RAB11FIP1: variants seen among roughly 807,000 people sequenced by gnomAD.
The protein encoded by RAB11FIP1 is RAB11 family interacting protein 1.
Under a neutral mutation model 83.1 loss-of-function variants are expected in RAB11FIP1, and 49 were observed. The observed-to-expected ratio is 0.59, with a 90% CI of 0.47 to 0.75. The LOEUF (loss-of-function observed/expected upper bound fraction) is 0.75, where lower values mean the gene tolerates loss of function less well. RAB11FIP1 is among the 30% of genes least tolerant of loss of function. RAB11FIP1 has a pLI of 0.00. For missense variants in RAB11FIP1, 1,536 were observed against 1,598.7 expected, an observed-to-expected ratio of 0.96 and a Z score of 0.67; for synonymous variants, 670 against 656.0, an observed-to-expected ratio of 1.02 and a Z score of -0.33.
chr8:37,892,425 ATATTTATTTATTTATTTATTTATT>A (rs146042883), intron 1 of RAB11FIP1, among the ~76,000 whole-genome samples: 1 of 144,104 alleles, frequency 6.9e-6, no homozygotes, highest in Non-Finnish European at 1.5e-5. Flanking sequence ...ACTTTTATTT[ATATTTATTTATTTATTTATTTATT>A]TATTTATTTA....
In RAB11FIP1 at chr8:37,872,614, G is replaced by C. The variant is rs779672596; in HGVS notation, c.2188C>G (p.Leu730Val). The part of the protein sequence containing the change: ...SGEAQEVPFA[L>V]SLSSDGAVSP... Reference sequence around the variant, plus strand: ...ACAGCTCCATCACTGCTGAGTGAAAGGGCAAACGGTACTTCCTGGGCTTCT... The same window carrying C: ...ACAGCTCCATCACTGCTGAGTGAAACGGCAAACGGTACTTCCTGGGCTTCT... The change falls in exon 4 of 6, where the codon CTT becomes GTT. Residue 730 changes from leucine to valine, a missense_variant. Transcript: ENST00000330843. 1.2e-6 allele frequency: 2 copies of C among 1,614,060 alleles called. No individual in the cohort carries two copies. The highest frequency in any genetic ancestry group is 2.7e-5 in the African/African-American group (2 of 74,918).
rs1806563086 is a variant in RAB11FIP1 at position 37,874,640 on chromosome 8, G to T, written c.1497C>A (p.Gly499=). 1 of 1,614,170 alleles carries T rather than the reference G, an allele frequency of 6.2e-7. No individual in the cohort carries two copies. The highest frequency in any genetic ancestry group is 1.1e-5 in the South Asian group (1 of 91,078). The change falls in exon 3 of 6, where the codon GGC becomes GGA. Residue 499 remains glycine (G), a synonymous_variant. Coordinates refer to ENST00000330843, the MANE Select transcript of RAB11FIP1 (RefSeq NM_001002814.3). Reference sequence around the variant, plus strand: ...CATCTTCAAAGAGGTTCAGGGAGCTGCCCTGTCTGGAGACAACAGCTGCAG... The same window carrying T: ...CATCTTCAAAGAGGTTCAGGGAGCTTCCCTGTCTGGAGACAACAGCTGCAG... The part of the protein sequence containing the change: ...KDTAAVVSRQ[G]SSLNLFEDVQ...
intron 1 of RAB11FIP1, among the ~76,000 whole-genome samples, chr8:37,883,555 A>G (rs540415987): frequency 6.6e-6 from 1 of 152,378 alleles, no homozygotes; most frequent in South Asian, 2.1e-4. Context: ...ATACTTTGAT[A>G]AGACAGTGAA....
Position 37,874,701 on chromosome 8 carries a change from G to A in RAB11FIP1, c.1436C>T (p.Pro479Leu), listed in dbSNP as rs758665923. Residue 479 changes from proline to leucine, a missense_variant, in exon 3 of 6, where the codon CCT (proline) becomes CTT (leucine). By Grantham distance (98) the Pro-to-Leu change is moderately conservative. Coordinates refer to ENST00000330843, the MANE Select transcript of RAB11FIP1 (RefSeq NM_001002814.3). ...AGATCTTCTCACAAGGTCTTCAGCA[G>A]GCCCCGATGCGTCCTCCCCCGGCTT... Reference protein sequence around the residue: ...GVKPGEDASGPAEDLVRRSEK... With the variant: ...GVKPGEDASGLAEDLVRRSEK... 6.2e-7 allele frequency: 1 copy of A among 1,614,186 alleles called. No homozygotes were observed. Among genetic ancestry groups the A allele is most frequent in the Non-Finnish European group, 8.5e-7 (1 of 1,180,028 alleles).
At chr8:37,886,458 G>T (rs531710338) in intron 1 of RAB11FIP1, among the ~76,000 whole-genome samples, 4 of 152,286 alleles carry the variant, frequency 2.6e-5, no homozygotes, top group African/African-American at 9.6e-5. Flanking sequence ...TCCAGGAAAG[G>T]CCAGGCAAGG....
intron 4 of RAB11FIP1, chr8:37,870,789 A>G (rs1392673157): frequency 2.5e-6 from 1 of 406,074 alleles, no homozygotes; most frequent in East Asian, 4.0e-5. Flanking sequence ...GTCTTGTTAC[A>G]AACATCAGAA....
Position 37,899,159 on chromosome 8 carries a change from G to T in RAB11FIP1, c.283C>A (p.Arg95Ser). The change falls in exon 1 of 6, where the codon CGC (arginine) becomes AGC (serine). Residue 95 changes from arginine (R) to serine (S), a missense_variant. Arg to Ser is a moderately radical substitution (Grantham distance 110). Coordinates refer to ENST00000330843, the MANE Select transcript of RAB11FIP1 (RefSeq NM_001002814.3). This position sits in a 1 kb window ranked among gnomAD's most constrained non-coding sequence, Gnocchi z 4.5. ...AATLQLTVLH[R>S]ALLGLDKFLG... Reference sequence around the variant, plus strand: ...AACTTGTCGAGGCCGAGCAGCGCGCGGTGCAGCACGGTGAGCTGCAGGGTG... The same window carrying T: ...AACTTGTCGAGGCCGAGCAGCGCGCTGTGCAGCACGGTGAGCTGCAGGGTG... 1.3e-6 allele frequency: 2 copies of T among 1,546,738 alleles called. No homozygotes were observed. The highest frequency in any genetic ancestry group is 2.4e-5 in the East Asian group (1 of 40,954).
At chr8:37,864,392 T>G (rs774882042) in intron 5 of RAB11FIP1, among the ~76,000 whole-genome samples, 40 of 152,218 alleles carry the variant, frequency 2.6e-4, no homozygotes, top group Admixed American at 1.4e-3. Flanking sequence ...GAGATTTACA[T>G]GTTTAAAGAA....
intron 1 of RAB11FIP1, among the ~76,000 whole-genome samples, chr8:37,892,335 G>A (rs528797384): frequency 1.3e-5 from 2 of 152,154 alleles, no homozygotes; most frequent in South Asian, 2.1e-4. Flanking sequence ...CCAATTCTAG[G>A]TTAGGCCAGC....
intron 4 of RAB11FIP1, chr8:37,870,880 T>C: frequency 3.5e-6 from 1 of 287,282 alleles, no homozygotes; most frequent in Non-Finnish European, 6.5e-6. Context: ...CTTCTGTCCC[T>C]CCACAGTAAA....
In RAB11FIP1 at chr8:37,861,818, A is replaced by C; in HGVS notation, c.*1077T>G. On this transcript the variant is annotated 3_prime_UTR_variant, in exon 6 of 6. Transcript: ENST00000330843. ...TGGTCAGGCTGGTCTCGAACTCCTGACCTCAAGTGATCCACCCTCCTCGGC... is the reference window on the plus strand; with the variant it reads ...TGGTCAGGCTGGTCTCGAACTCCTGCCCTCAAGTGATCCACCCTCCTCGGC... The C allele has an allele frequency of 3.2e-6, 1 of 313,930 alleles. No individual in the cohort carries two copies. Among genetic ancestry groups the C allele is most frequent in the Admixed American group, 4.7e-5 (1 of 21,254 alleles). 19.4% of individuals were successfully genotyped at this position (313,930 alleles called of 1,614,324 possible).
intron 1 of RAB11FIP1, among the ~76,000 whole-genome samples, chr8:37,890,721 G>C (rs1478151342): frequency 6.6e-6 from 1 of 150,762 alleles, no homozygotes; most frequent in Non-Finnish European, 1.5e-5. Context: ...GTTGCAGTGA[G>C]CTGAGATTGA....
Position 37,872,532 on chromosome 8 carries a change from C to A in RAB11FIP1, c.2270G>T (p.Gly757Val). ...GGDRDLESQA[G>V]SLVESKARDA... ...CCTGGCTTTGCTCTCCACAAGAGAC[C>A]CAGCCTGACTCTCCAAGTCTCTGTC... The change falls in exon 4 of 6, where the codon GGG becomes GTG. Residue 757 changes from glycine (G) to valine (V), a missense_variant. Coordinates refer to ENST00000330843, the MANE Select transcript of RAB11FIP1 (RefSeq NM_001002814.3). 1 of 1,614,178 alleles carries A rather than the reference C, an allele frequency of 6.2e-7. No individual in the cohort carries two copies. Among genetic ancestry groups the A allele is most frequent in the South Asian group, 1.1e-5 (1 of 91,086 alleles).
In RAB11FIP1 at chr8:37,873,105, G is replaced by A. The variant is rs1224322719; in HGVS notation, c.1697C>T (p.Pro566Leu). 6.2e-7 allele frequency: 1 copy of A among 1,613,666 alleles called. No individual in the cohort carries two copies. The highest frequency in any genetic ancestry group is 1.3e-5 in the African/African-American group (1 of 74,932). The stretch of plus-strand genomic sequence containing the variant: ...TGCCTGGCCAGAGCTAGAAGGAAGA[G>A]GAGGAAGAGAGGAAGGGGAGTCAGT... Reference protein sequence around the residue: ...SPTDSPSSLPPLPSSSGQASV... With the variant: ...SPTDSPSSLPLLPSSSGQASV... Residue 566 changes from proline (P) to leucine (L), a missense_variant, in exon 4 of 6, where the codon CCT (proline) becomes CTT (leucine). Transcript: ENST00000330843.
intron 1 of RAB11FIP1, among the ~76,000 whole-genome samples, chr8:37,887,006 A>G (rs1268355182): frequency 6.6e-6 from 1 of 152,144 alleles, no homozygotes; most frequent in East Asian, 1.9e-4. Context: ...GAGCGCTGGT[A>G]TTGAAGAAGG....
chr8:37,875,149 C>G lies in RAB11FIP1; in HGVS notation c.988G>C (p.Glu330Gln). The G allele has an allele frequency of 3.7e-6, 6 of 1,614,124 alleles. No individual in the cohort carries two copies. The highest frequency in any genetic ancestry group is 5.1e-6 in the Non-Finnish European group (6 of 1,180,022). The change falls in exon 3 of 6, where the codon GAA becomes CAA. Residue 330 changes from glutamate to glutamine, a missense_variant. Transcript: ENST00000330843. ...CTATCCTTGATCTCACCCTTGGCTT[C>G]TGGCTGCTCCAGGTAAACATGGTTC... ...NGNHVYLEQPEAKGEIKDSSP... is the reference protein window; with the variant it reads ...NGNHVYLEQPQAKGEIKDSSP...
intron 1 of RAB11FIP1, among the ~76,000 whole-genome samples, chr8:37,886,372 C>A (rs1223115937): frequency 6.6e-6 from 1 of 152,214 alleles, no homozygotes; most frequent in African/African-American, 2.4e-5. Context: ...TAAGCCCCAA[C>A]AGGCTATCAG....
At position 37,859,135 on chromosome 8, in the gene RAB11FIP1, A is replaced by T. The variant is rs986882606; in HGVS notation, c.*3760T>A. 1 of 152,020 alleles carries T rather than the reference A, an allele frequency of 6.6e-6. No individual in the cohort carries two copies. Among genetic ancestry groups the T allele is most frequent in the African/African-American group, 2.4e-5 (1 of 41,244 alleles). 9.4% of individuals were successfully genotyped at this position (152,020 alleles called of 1,614,324 possible). A position where few individuals can be genotyped will look rare whatever the true frequency, so the allele number is the denominator to read the frequency against. On this transcript the variant is annotated 3_prime_UTR_variant, in exon 6 of 6. Coordinates refer to ENST00000330843, the MANE Select transcript of RAB11FIP1 (RefSeq NM_001002814.3). ...GTCAGTTAAGTAGCTCACACAGTAG[A>T]TATGGAGACACCATATGGAGATACG...
At chr8:37,887,329 G>A (rs943167418) in intron 1 of RAB11FIP1, among the ~76,000 whole-genome samples, 1 of 151,966 alleles carries the variant, frequency 6.6e-6, no homozygotes, top group Non-Finnish European at 1.5e-5. Context: ...TCAGGAGTTC[G>A]AGACCAGCCT....
Sources: gnomAD v4.1 joint callset for allele counts (sites outside exome capture counted in the v4.1 genomes callset) on GRCh38, gnomAD v4.1.1 for gene constraint, Gnocchi (gnomAD v3.1) non-coding constraint, MANE v1.5 for transcripts, NCBI Gene and HGNC (gene_info 2026-07-23, HGNC 2026-07-21) for gene names.